Variants in LTBP1 observed in about 807,000 individuals in gnomAD.
The protein encoded by LTBP1 is latent-transforming growth factor beta-binding protein 1.
LTBP1 carries 129 observed loss-of-function variants against 207.6 expected under a neutral mutation model. The observed-to-expected ratio is 0.62, with a 90% confidence interval of 0.54 to 0.72. The LOEUF (loss-of-function observed/expected upper bound fraction) is 0.72, where lower values mean the gene tolerates loss of function less well. Ranked by LOEUF, LTBP1 falls within the 30% of genes least tolerant of loss-of-function variation. The pLI, the probability that LTBP1 is intolerant of heterozygous loss-of-function variation, is 0.00. For missense variants in LTBP1, 2,281 were observed against 2,217.2 expected (o/e 1.03, Z -0.58); for synonymous variants, 963 against 833.7 (o/e 1.16, Z -2.67).
chr2:33,204,403 A>G (rs965693724), intron 7 of LTBP1, among the ~76,000 whole-genome samples: 4 of 152,238 alleles, frequency 2.6e-5, no homozygotes, highest in African/African-American at 9.6e-5. Flanking sequence ...CTAGCCTTGA[A>G]GAACATTCTA....
intron 9 of LTBP1, 76 bp downstream of exon 9, chr2:33,222,227 G>A (rs2091156424): frequency 1.9e-6 from 2 of 1,042,100 alleles, no homozygotes; most frequent in African/African-American, 1.5e-5. Flanking sequence ...GTTTGCCACG[G>A]CTTGCTCATT....
At chr2:33,059,838 GA>G (rs554885831) in intron 3 of LTBP1, among the ~76,000 whole-genome samples, 38 of 152,202 alleles carry the variant, frequency 2.5e-4, no homozygotes, top group African/African-American at 8.9e-4. Context: ...GAATGTCTGA[GA>G]AAAAAACCAG....
intron 20 of LTBP1, among the ~76,000 whole-genome samples, chr2:33,294,272 C>G (rs997560948): frequency 2.6e-5 from 4 of 151,954 alleles, no homozygotes; most frequent in Non-Finnish European, 5.9e-5. Flanking sequence ...TCTTGACTCA[C>G]TGCAACCCCT....
At chr2:33,092,977 G>A (rs1317253034) in intron 3 of LTBP1, among the ~76,000 whole-genome samples, 1 of 152,142 alleles carries the variant, frequency 6.6e-6, no homozygotes, top group Non-Finnish European at 1.5e-5. Context: ...GAATGTTTCA[G>A]TCACTTATAG....
Position 33,398,838 on chromosome 2 carries a change from GTTGTT to G in LTBP1, c.*301_*305del, listed in dbSNP as rs2095382493. On this transcript the variant is annotated 3_prime_UTR_variant, in exon 34 of 34. Coordinates refer to ENST00000404816, the MANE Select transcript of LTBP1 (RefSeq NM_206943.4). The stretch of plus-strand genomic sequence containing the variant: ...TTTAAACAGAAGGTTGTATTATTAT[GTTGTT>G]TTGTTTTTTTACTATTGCTTGATTA... 4.8e-6 allele frequency: 1 copy of G among 210,436 alleles called. No homozygotes were observed. The highest frequency in any genetic ancestry group is 9.4e-6 in the Non-Finnish European group (1 of 106,138). The allele number at this position is 210,436 out of a possible 1,614,324, so 13.0% of individuals were successfully genotyped here. A position where few individuals can be genotyped will look rare whatever the true frequency, so the allele number is the denominator to read the frequency against.
chr2:33,074,637 G>A (rs988328115), intron 3 of LTBP1, among the ~76,000 whole-genome samples: 2 of 152,104 alleles, frequency 1.3e-5, no homozygotes, highest in Non-Finnish European at 2.9e-5. Context: ...TGGGAAGGCC[G>A]AGGCAGGCAA....
intron 15 of LTBP1, among the ~76,000 whole-genome samples, chr2:33,265,277 A>G (rs1308657638): frequency 3.3e-5 from 5 of 152,234 alleles, no homozygotes; most frequent in African/African-American, 7.2e-5. Context: ...ATAAAGCACA[A>G]ATTGGCAATA....
In LTBP1 at chr2:33,102,737, T is replaced by C. The variant is rs76039860; in HGVS notation, c.864-7845T>C. On this transcript the variant is annotated intron_variant, in intron 3 of 33. Coordinates refer to ENST00000404816, the MANE Select transcript of LTBP1 (RefSeq NM_206943.4). Reference sequence around the variant, plus strand: ...ATATTCTTTACTGGCAGTCTGTATATGCTGTTTGTATGCACTGTCCGTATG... The same window carrying C: ...ATATTCTTTACTGGCAGTCTGTATACGCTGTTTGTATGCACTGTCCGTATG... Among the ~76,000 whole-genome samples the C allele has an allele frequency of 8.0e-3, 1,225 of 152,384 alleles. 11 individuals are homozygous for C. Among genetic ancestry groups the C allele is most frequent in the Middle Eastern group, 0.01 (3 of 294 alleles).
At chr2:32,957,188 C>T (rs986965221) in intron 2 of LTBP1, among the ~76,000 whole-genome samples, 1 of 152,208 alleles carries the variant, frequency 6.6e-6, no homozygotes, top group Non-Finnish European at 1.5e-5. Context: ...GAGAGTCAGC[C>T]CATCCTTTGA....
intron 23 of LTBP1, among the ~76,000 whole-genome samples, chr2:33,314,489 C>T (rs1446323939): frequency 2.0e-5 from 3 of 152,132 alleles, no homozygotes; most frequent in African/African-American, 4.8e-5. Context: ...TTTGAGACTG[C>T]AGTGAGCCAT....
chr2:33,347,537 G>C (rs538820223), intron 26 of LTBP1, 27 bp downstream of exon 26: 2 of 1,613,162 alleles, frequency 1.2e-6, no homozygotes, highest in Non-Finnish European at 1.7e-6. Flanking sequence ...CTGTGCAAGG[G>C]AATGACAGGC....
intron 3 of LTBP1, among the ~76,000 whole-genome samples, chr2:33,064,937 G>C (rs946331491): frequency 9.2e-5 from 14 of 152,224 alleles, no homozygotes; most frequent in African/African-American, 3.4e-4. Flanking sequence ...CTAGTGTAAT[G>C]TAGAACAGGA....
chr2:33,356,462 G>A (rs1166185071), intron 26 of LTBP1, among the ~76,000 whole-genome samples: 3 of 152,082 alleles, frequency 2.0e-5, no homozygotes, highest in South Asian at 2.1e-4. Context: ...GGTGGATCAC[G>A]AGGTCAGGAG....
chr2:33,107,512 G>A (rs2080132802), intron 3 of LTBP1, among the ~76,000 whole-genome samples: 1 of 152,124 alleles, frequency 6.6e-6, no homozygotes, highest in South Asian at 2.1e-4. Context: ...CTCCAGCTTT[G>A]TCAAATGTTA....
intron 24 of LTBP1, among the ~76,000 whole-genome samples, chr2:33,331,839 G>A (rs914674924): frequency 6.6e-6 from 1 of 151,954 alleles, no homozygotes; most frequent in Non-Finnish European, 1.5e-5. Context: ...ATTTTAAAGG[G>A]TTTTATGTGT....
intron 4 of LTBP1, among the ~76,000 whole-genome samples, chr2:33,119,677 T>C (rs1256531331): frequency 6.6e-6 from 1 of 152,110 alleles, no homozygotes; most frequent in Non-Finnish European, 1.5e-5. Context: ...CTGCCTCAGC[T>C]TCCCGAGTAG....
chr2:33,128,708 A>G (rs1019619441), intron 4 of LTBP1, among the ~76,000 whole-genome samples: 1 of 152,196 alleles, frequency 6.6e-6, no homozygotes, highest in Non-Finnish European at 1.5e-5. Flanking sequence ...CTCAACAAGT[A>G]TGGCTCCCAT....
intron 31 of LTBP1, among the ~76,000 whole-genome samples, chr2:33,377,759 A>G (rs180871115): frequency 6.6e-6 from 1 of 152,324 alleles, no homozygotes; most frequent in Non-Finnish European, 1.5e-5. Context: ...TTTATAAAGA[A>G]CAGTTCTTCA....
chr2:33,295,396 A>T (rs2093854929), intron 20 of LTBP1, among the ~76,000 whole-genome samples: 1 of 152,086 alleles, frequency 6.6e-6, no homozygotes, highest in Admixed American at 6.6e-5. Flanking sequence ...GCTTGGTGGC[A>T]TGCGCATGTA....
Sources: gnomAD v4.1 joint callset for allele counts (sites outside exome capture counted in the v4.1 genomes callset) on GRCh38, gnomAD v4.1.1 for gene constraint, MANE v1.5 for transcripts, NCBI Gene and HGNC (gene_info 2026-07-23, HGNC 2026-07-21) for gene names.